HS3ST4: variants seen among roughly 807,000 people sequenced by gnomAD.
HS3ST4 encodes the protein heparan sulfate-glucosamine 3-sulfotransferase 4, also known as heparan sulfate glucosamine 3-O-sulfotransferase 4.
A neutral mutation model predicts 29.2 loss-of-function variants in HS3ST4; 17 were observed. That is an observed-to-expected ratio of 0.58 (90% confidence interval 0.40 to 0.87). HS3ST4 has a LOEUF of 0.87. Among genes scored for constraint, HS3ST4 ranks in the 40% least tolerant of loss-of-function variants. HS3ST4 has a pLI of 0.00. For missense variants in HS3ST4, 627 were observed against 634.5 expected (o/e 0.99, Z 0.13); for synonymous variants, 314 against 285.7 (o/e 1.10, Z -1.00).
intron 1 of HS3ST4, among the ~76,000 whole-genome samples, chr16:25,954,368 C>A (rs1314355770): frequency 6.6e-6 from 1 of 152,132 alleles, no homozygotes; most frequent in Non-Finnish European, 1.5e-5. Context: ...TCTACCCCTG[C>A]CAAACATAAG....
intron 1 of HS3ST4, among the ~76,000 whole-genome samples, chr16:26,008,428 C>A (rs949768642): frequency 3.9e-5 from 6 of 152,176 alleles, no homozygotes; most frequent in Admixed American, 6.6e-5. Flanking sequence ...GTACCCCTCC[C>A]AGAGGGATAT....
At position 25,716,911 on chromosome 16, in the gene HS3ST4, G is replaced by A. The variant is rs372666293; in HGVS notation, c.734+23760G>A. ...TCTGCTAAAAATACAAAAATTAGCCGGGCATGATGGTGCACACCTATAATT... is the reference window on the plus strand; with the variant it reads ...TCTGCTAAAAATACAAAAATTAGCCAGGCATGATGGTGCACACCTATAATT... On this transcript the variant is annotated intron_variant, in intron 1 of 1. Coordinates refer to ENST00000331351, the MANE Select transcript of HS3ST4 (RefSeq NM_006040.3). Among the ~76,000 whole-genome samples, 15 of 152,204 alleles carry A rather than the reference G, an allele frequency of 9.9e-5. No individual in the cohort carries two copies. In the East Asian group the frequency reaches 1.5e-3, roughly 16 times the overall value.
At chr16:26,093,457 T>C (rs1490915034) in intron 1 of HS3ST4, among the ~76,000 whole-genome samples, 1 of 152,190 alleles carries the variant, frequency 6.6e-6, no homozygotes, top group Non-Finnish European at 1.5e-5. Context: ...CTGCTGATGA[T>C]ACCCAGGCAA....
intron 1 of HS3ST4, among the ~76,000 whole-genome samples, chr16:25,759,328 G>A (rs946555053): frequency 2.0e-4 from 30 of 152,346 alleles, no homozygotes; most frequent in African/African-American, 6.3e-4. Context: ...CTTCCATGTT[G>A]TCACATAGTA....
At chr16:25,853,074 C>T (rs901185575) in intron 1 of HS3ST4, among the ~76,000 whole-genome samples, 4 of 152,126 alleles carry the variant, frequency 2.6e-5, no homozygotes, top group East Asian at 3.9e-4. Flanking sequence ...TTTTCCCCAG[C>T]GTTATTATCA....
At chr16:26,103,062 C>G (rs930304204) in intron 1 of HS3ST4, among the ~76,000 whole-genome samples, 19 of 152,098 alleles carry the variant, frequency 1.2e-4, no homozygotes, top group Admixed American at 6.6e-5. Flanking sequence ...ATTCCATTGG[C>G]TAGAACTCAG....
intron 1 of HS3ST4, among the ~76,000 whole-genome samples, chr16:26,003,019 A>G (rs1261362016): frequency 3.3e-5 from 5 of 151,952 alleles, no homozygotes; most frequent in Non-Finnish European, 7.4e-5. Context: ...CTTATCCTCA[A>G]ATAGTTTTGA....
chr16:25,935,054 T>A (rs1400114273), intron 1 of HS3ST4, among the ~76,000 whole-genome samples: 1 of 152,172 alleles, frequency 6.6e-6, no homozygotes, highest in African/African-American at 2.4e-5. Context: ...GTTTTATAAG[T>A]GTCTGGCATT....
intron 1 of HS3ST4, among the ~76,000 whole-genome samples, chr16:25,975,344 A>G (rs1054983700): frequency 3.3e-5 from 5 of 152,072 alleles, no homozygotes; most frequent in Admixed American, 3.3e-4. Flanking sequence ...CTTATTGGGT[A>G]CCATACTGAC....
intron 1 of HS3ST4, among the ~76,000 whole-genome samples, chr16:25,856,239 G>T (rs113218870): frequency 6.6e-5 from 10 of 152,048 alleles, no homozygotes; most frequent in Non-Finnish European, 8.8e-5. Flanking sequence ...ACTGTCTTTT[G>T]TATGCTAATG....
At chr16:26,092,233 GA>G (rs796150566) in intron 1 of HS3ST4, among the ~76,000 whole-genome samples, 3 of 152,080 alleles carry the variant, frequency 2.0e-5, no homozygotes, top group East Asian at 1.9e-4. Context: ...TCTCTGGGCA[GA>G]AAAAAACGTG....
chr16:25,857,915 CCTTCCTTTCTTTCTTT>C (rs1967593390), intron 1 of HS3ST4, among the ~76,000 whole-genome samples: 4 of 55,300 alleles, frequency 7.2e-5, no homozygotes, highest in African/African-American at 3.0e-4. Flanking sequence ...TTCCTTCCTT[CCTTCCTTTCTTTCTTT>C]CTTTCTTTCT....
At chr16:25,790,773 G>T (rs1440610143) in intron 1 of HS3ST4, among the ~76,000 whole-genome samples, 2 of 151,998 alleles carry the variant, frequency 1.3e-5, no homozygotes, top group Non-Finnish European at 2.9e-5. Flanking sequence ...GTTTATAGAT[G>T]TTCTTTACAT....
chr16:25,749,527 GAGAGGA>G (rs745516332), intron 1 of HS3ST4, among the ~76,000 whole-genome samples: 24 of 151,844 alleles, frequency 1.6e-4, no homozygotes, highest in African/African-American at 3.6e-4. Flanking sequence ...GAAGAAGAGG[GAGAGGA>G]AGAGGAAGAG....
At chr16:26,122,990 T>C (rs1899295526) in intron 1 of HS3ST4, among the ~76,000 whole-genome samples, 1 of 151,320 alleles carries the variant, frequency 6.6e-6, no homozygotes, top group South Asian at 2.1e-4. Flanking sequence ...GGAGGCGGAG[T>C]TTGCAGTGAG....
At position 25,893,244 on chromosome 16, in the gene HS3ST4, G is replaced by A. The variant is rs560689066; in HGVS notation, c.734+200093G>A. Among the ~76,000 whole-genome samples, 8 of 152,190 alleles carry A rather than the reference G, an allele frequency of 5.3e-5. No homozygotes were observed. In the East Asian group the frequency reaches 5.8e-4, roughly 11 times the overall value. ...AGTCATGTGAGAACTGCGAGAAGCC[G>A]ATGAAGGATGGTGCTGGGATTATGG... On this transcript the variant is annotated intron_variant, in intron 1 of 1. Coordinates refer to ENST00000331351, the MANE Select transcript of HS3ST4 (RefSeq NM_006040.3).
At chr16:25,936,124 G>A (rs774169178) in intron 1 of HS3ST4, among the ~76,000 whole-genome samples, 1 of 152,144 alleles carries the variant, frequency 6.6e-6, no homozygotes, top group Non-Finnish European at 1.5e-5. Context: ...TAATCTCCAT[G>A]ATGGTCCTGT....
At chr16:25,988,722 G>A (rs938406277) in intron 1 of HS3ST4, among the ~76,000 whole-genome samples, 1 of 152,066 alleles carries the variant, frequency 6.6e-6, no homozygotes, top group Admixed American at 6.6e-5. Flanking sequence ...AGTGGAGGGT[G>A]GAGGGAGGGA....
At chr16:25,916,427 A>G (rs931480795) in intron 1 of HS3ST4, among the ~76,000 whole-genome samples, 2 of 151,896 alleles carry the variant, frequency 1.3e-5, no homozygotes, top group South Asian at 4.2e-4. Flanking sequence ...CAATGGCACT[A>G]TCTCGGCTCA....
Sources: allele counts gnomAD v4.1 joint callset (sites outside exome capture counted in the v4.1 genomes callset), GRCh38; gene constraint gnomAD v4.1.1; transcripts MANE v1.5; gene names NCBI Gene and HGNC (gene_info 2026-07-23, HGNC 2026-07-21).